Variants in ZDHHC2 observed in about 807,000 individuals in gnomAD.
ZDHHC2 encodes zDHHC palmitoyltransferase 2.
In ZDHHC2, 51 loss-of-function variants were observed where a neutral mutation model predicts 55.6. That is an observed-to-expected ratio of 0.92 (90% CI 0.73 to 1.16). The LOEUF (loss-of-function observed/expected upper bound fraction) is 1.16. Among genes scored for constraint, ZDHHC2 ranks in the 50% most tolerant of loss-of-function variants. ZDHHC2 has a pLI of 0.00. For missense variants in ZDHHC2, 491 were observed against 442.4 expected, an observed-to-expected ratio of 1.11 and a Z score of -0.99; for synonymous variants, 199 against 152.9, an observed-to-expected ratio of 1.30 and a Z score of -2.22.
At chr8:17,188,742 G>GA (rs1331897637) in intron 3 of ZDHHC2, among the ~76,000 whole-genome samples, 1 of 152,158 alleles carries the variant, frequency 6.6e-6, no homozygotes, top group African/African-American at 2.4e-5. Context: ...ATAAACGCCT[G>GA]ACACATTTCC....
chr8:17,187,206 G>T (rs1050668717), intron 3 of ZDHHC2, among the ~76,000 whole-genome samples: 4 of 152,176 alleles, frequency 2.6e-5, no homozygotes, highest in Admixed American at 2.0e-4. Flanking sequence ...CTGCTTCAGA[G>T]GGCTTTAAGT....
Position 17,215,245 on chromosome 8 carries a change from A to G in ZDHHC2, c.959A>G (p.Asn320Ser), listed in dbSNP as rs1438767099. 1.3e-6 allele frequency: 2 copies of G among 1,593,020 alleles called. No individual in the cohort carries two copies. Among genetic ancestry groups the G allele is most frequent in the East Asian group, 2.3e-5 (1 of 44,324 alleles). ...ATTCAATTATTATTCAGTCTCGAAAACCATCAGTTTCCTGCAAAGCCATTG... is the reference window on the plus strand; with the variant it reads ...ATTCAATTATTATTCAGTCTCGAAAGCCATCAGTTTCCTGCAAAGCCATTG... The part of the protein sequence containing the change: ...GLNSTAKNLE[N>S]HQFPAKPLRE... Residue 320 changes from asparagine to serine, a missense_variant, in exon 11 of 13, where the codon AAC becomes AGC. Transcript: ENST00000262096.
intron 6 of ZDHHC2, among the ~76,000 whole-genome samples, chr8:17,199,301 A>C (rs140125646): frequency 1.3e-5 from 2 of 152,148 alleles, no homozygotes; most frequent in Non-Finnish European, 2.9e-5. Context: ...CGTTCAGGCT[A>C]GTCAACCCAT....
At chr8:17,194,498 A>T (rs911210466) in intron 3 of ZDHHC2, among the ~76,000 whole-genome samples, 1 of 151,616 alleles carries the variant, frequency 6.6e-6, no homozygotes, top group South Asian at 2.1e-4. Context: ...GTTTCCCTTT[A>T]TTCCTCAAAA....
chr8:17,198,949 CAG>C (rs1291506078), intron 6 of ZDHHC2, among the ~76,000 whole-genome samples: 1 of 152,082 alleles, frequency 6.6e-6, no homozygotes, highest in East Asian at 1.9e-4. Context: ...GGTAATTTAA[CAG>C]AGGATTATTT....
At chr8:17,178,406 C>G (rs75914563) in intron 1 of ZDHHC2, among the ~76,000 whole-genome samples, 2,987 of 152,164 alleles carry the variant, frequency 0.02, 50 homozygotes, top group Non-Finnish European at 0.031. Context: ...TATACACATA[C>G]ACACACATCC....
chr8:17,187,651 G>A (rs1458333903), intron 3 of ZDHHC2, among the ~76,000 whole-genome samples: 1 of 150,508 alleles, frequency 6.6e-6, no homozygotes, highest in Non-Finnish European at 1.5e-5. Flanking sequence ...TACCATATTT[G>A]CTTCTTTTCC....
rs547335903 is a variant in ZDHHC2, at chr8:17,205,490, G to A, written c.477-165G>A. ...TAAAAATAGAAGCAGATTTTTTAGT[G>A]AAATGGATTTTTACATGATTGTATG... On this transcript the variant is annotated intron_variant, in intron 6 of 12. Transcript: ENST00000262096. Among the ~76,000 whole-genome samples, 4 of 152,232 alleles carry A rather than the reference G, an allele frequency of 2.6e-5. No homozygotes were observed. In the South Asian group the frequency reaches 8.3e-4, roughly 32 times the overall value.
intron 6 of ZDHHC2, among the ~76,000 whole-genome samples, chr8:17,199,532 C>T (rs1806555500): frequency 8.5e-6 from 1 of 117,504 alleles, no homozygotes; most frequent in African/African-American, 3.5e-5. Flanking sequence ...TCTTCGTCTT[C>T]TGTCTTCGTC....
Position 17,168,648 on chromosome 8 carries a change from C to T in ZDHHC2, c.130+11795C>T, listed in dbSNP as rs546506458. On this transcript the variant is annotated intron_variant, in intron 1 of 12. Transcript: ENST00000262096. ...CGCTGTGCAGTTTAACACTAACCCTCATTCTTCCCTCCCCCACCCTCTGGC... is the reference window on the plus strand; with the variant it reads ...CGCTGTGCAGTTTAACACTAACCCTTATTCTTCCCTCCCCCACCCTCTGGC... 2.6e-5 allele frequency among the ~76,000 whole-genome samples: 4 copies of T among 152,274 alleles called. No individual in the cohort carries two copies. In the East Asian group the frequency reaches 7.7e-4, roughly 29 times the overall value.
intron 1 of ZDHHC2, among the ~76,000 whole-genome samples, chr8:17,175,073 A>G (rs1805061904): frequency 6.6e-6 from 1 of 151,964 alleles, no homozygotes; most frequent in South Asian, 2.1e-4. Context: ...TTTCTGGGCC[A>G]TTTTCCATCG....
chr8:17,213,044 T>A (rs1190225061), intron 10 of ZDHHC2, among the ~76,000 whole-genome samples: 2 of 152,120 alleles, frequency 1.3e-5, no homozygotes, highest in Non-Finnish European at 2.9e-5. Flanking sequence ...CAGATCTTGC[T>A]GTTCCTCACA....
chr8:17,157,277 C>A (rs76707294), intron 1 of ZDHHC2, among the ~76,000 whole-genome samples: 2,583 of 152,308 alleles, frequency 0.017, 40 homozygotes, highest in Non-Finnish European at 0.027. Context: ...CTGGCCTTGG[C>A]GGCGGAGCTG....
intron 3 of ZDHHC2, among the ~76,000 whole-genome samples, chr8:17,190,214 C>T (rs955339685): frequency 1.3e-5 from 2 of 151,692 alleles, no homozygotes; most frequent in Non-Finnish European, 2.9e-5. Flanking sequence ...CGAGATCGCA[C>T]CACTGCACTC....
At chr8:17,191,957 A>G (rs1025293538) in intron 3 of ZDHHC2, among the ~76,000 whole-genome samples, 3 of 151,946 alleles carry the variant, frequency 2.0e-5, no homozygotes, top group African/African-American at 7.3e-5. Flanking sequence ...CCACCATCTC[A>G]CCAGCATTTG....
chr8:17,215,406 G>A (rs1440526921), intron 11 of ZDHHC2, 57 bp downstream of exon 11: 41 of 1,418,128 alleles, frequency 2.9e-5, no homozygotes, highest in South Asian at 1.9e-4. Flanking sequence ...GAAGGTAAAC[G>A]TGGTTAAAAA....
rs1192267642 is a variant in ZDHHC2 at position 17,158,093 on chromosome 8, C to CA, written c.130+1250dup. Among the ~76,000 whole-genome samples, 305 of 144,996 alleles carry CA rather than the reference C, an allele frequency of 2.1e-3. 1 individual carries two copies. The highest frequency in any genetic ancestry group is 5.1e-3 in the African/African-American group (203 of 39,516). ...GGATTTAGAAACAAGCTTAATAGTC[C>CA]AAAAAAAAAACCTTGAGTCTGTTGT... On this transcript the variant is annotated intron_variant, in intron 1 of 12. Coordinates refer to ENST00000262096, the MANE Select transcript of ZDHHC2 (RefSeq NM_016353.5).
At chr8:17,193,305 G>A (rs539561519) in intron 3 of ZDHHC2, among the ~76,000 whole-genome samples, 1 of 152,308 alleles carries the variant, frequency 6.6e-6, no homozygotes, top group South Asian at 2.1e-4. Flanking sequence ...TGCCTTGGTG[G>A]TCTTGGATAA....
intron 1 of ZDHHC2, among the ~76,000 whole-genome samples, chr8:17,177,997 C>T (rs6587020): frequency 5.9e-5 from 9 of 151,916 alleles, no homozygotes; most frequent in African/African-American, 1.9e-4. Flanking sequence ...CAATAAAATA[C>T]CCCAAAATCA....
Sources: gnomAD v4.1 joint callset for allele counts (sites outside exome capture counted in the v4.1 genomes callset) on GRCh38, gnomAD v4.1.1 for gene constraint, MANE v1.5 for transcripts, NCBI Gene and HGNC (gene_info 2026-07-23, HGNC 2026-07-21) for gene names.